Variants in ABCA8 observed in about 807,000 individuals in gnomAD.
ABCA8 encodes the protein ATP binding cassette subfamily A member 8.
Under a neutral mutation model 192.3 loss-of-function variants are expected in ABCA8, and 177 were observed. The observed-to-expected ratio is 0.92, with a 90% CI of 0.81 to 1.04. The LOEUF (loss-of-function observed/expected upper bound fraction) is 1.04. Ranked by LOEUF, ABCA8 falls within the 50% of genes least tolerant of loss-of-function variation. The pLI, the probability that ABCA8 is intolerant of heterozygous loss-of-function variation, is 0.00. For missense variants in ABCA8, 1,915 were observed against 1,904.8 expected (o/e 1.01, Z -0.10); for synonymous variants, 642 against 690.2 (o/e 0.93, Z 1.09).
intron 37 of ABCA8, 151 bp downstream of exon 37, chr17:68,875,108 AC>A (rs1450264973): frequency 3.7e-6 from 4 of 1,079,376 alleles, no homozygotes; most frequent in African/African-American, 3.2e-5. Context: ...ATCAGCTCTT[AC>A]GTCTGCTTTC....
intron 26 of ABCA8, 65 bp from the exon 27 acceptor site, chr17:68,885,380 CT>C: frequency 2.0e-6 from 3 of 1,478,642 alleles, no homozygotes; most frequent in Non-Finnish European, 2.7e-6. Flanking sequence ...ATCGAGATGG[CT>C]CATCTTGAAG....
rs150312203 is a variant in ABCA8 at position 68,895,002 on chromosome 17, C to G, written c.2776G>C (p.Asp926His). 31 of 1,607,512 alleles carry G rather than the reference C, an allele frequency of 1.9e-5. No individual in the cohort carries two copies. In the African/African-American group the frequency reaches 3.5e-4, roughly 18 times the overall value. The change falls in exon 22 of 40, where the codon GAT (aspartate) becomes CAT (histidine). Residue 926 changes from aspartate (D) to histidine (H), a missense_variant. Asp to His is a moderately conservative substitution (Grantham distance 81). Transcript: ENST00000586539. ...TGCTCCACAGACTGTATAAAGTCATCAATGCTTGCCCCTAAGGTGTAGTTA... is the reference window on the plus strand; with the variant it reads ...TGCTCCACAGACTGTATAAAGTCATGAATGCTTGCCCCTAAGGTGTAGTTA... ...LIINKTGASI[D>H]DFIQSVEHQN...
At chr17:68,947,564 T>C (rs1047640849) in intron 2 of ABCA8, among the ~76,000 whole-genome samples, 21 of 152,210 alleles carry the variant, frequency 1.4e-4, no homozygotes, top group South Asian at 8.3e-4. Flanking sequence ...TAAAACCTTA[T>C]GAGCCTGTTG....
chr17:68,897,079 G>A (rs923328313), intron 21 of ABCA8, among the ~76,000 whole-genome samples: 1 of 152,192 alleles, frequency 6.6e-6, no homozygotes, highest in African/African-American at 2.4e-5. Context: ...TTTCAGATGA[G>A]AGGGAATTAC....
intron 37 of ABCA8, 111 bp from the exon 38 acceptor site, chr17:68,869,890 T>C: frequency 1.4e-6 from 1 of 733,294 alleles, no homozygotes. Context: ...GTTAGGAACA[T>C]TTAACATGAG....
intron 1 of ABCA8, among the ~76,000 whole-genome samples, 165 bp from the exon 2 acceptor site, chr17:68,949,637 A>G (rs561405249): frequency 6.6e-6 from 1 of 152,352 alleles, no homozygotes; most frequent in East Asian, 1.9e-4. Context: ...GGCTATTTCA[A>G]TATATGCAAA....
rs1375071332 is a variant in ABCA8 at position 68,933,176 on chromosome 17, TAGC to T, written c.559_561del (p.Ala187del). On this transcript the variant is annotated inframe_deletion, in exon 6 of 40. Coordinates refer to ENST00000586539, the MANE Select transcript of ABCA8 (RefSeq NM_001288985.2). ...GAACATTTTGTACTCACTTCTATAA[TAGC>T]AGCATTAATGGCAGCTTGAAGAGCC... 1.9e-6 allele frequency: 3 copies of T among 1,608,982 alleles called. No homozygotes were observed. Among genetic ancestry groups the T allele is most frequent in the Non-Finnish European group, 2.6e-6 (3 of 1,176,148 alleles).
chr17:68,929,859 G>A (rs2067811047), intron 7 of ABCA8, among the ~76,000 whole-genome samples, 157 bp from the exon 8 acceptor site: 1 of 151,442 alleles, frequency 6.6e-6, no homozygotes, highest in Non-Finnish European at 1.5e-5. Flanking sequence ...TAAATACAAG[G>A]TAAAAGTTTT....
intron 37 of ABCA8, 109 bp from the exon 38 acceptor site, chr17:68,869,888 C>A: frequency 1.3e-6 from 1 of 742,308 alleles, no homozygotes; most frequent in Non-Finnish European, 2.3e-6. Context: ...GTGTTAGGAA[C>A]ATTTAACATG....
rs201803628 is a variant in ABCA8 at position 68,877,246 on chromosome 17, C to T, written c.4199+273G>A. On this transcript the variant is annotated intron_variant, in intron 33 of 39. Transcript: ENST00000586539. ...GTTGCCTAGGCTGGTCTGAAACTCA[C>T]GAGCTCAAGCAGTCCACCTGCCTCA... is the stretch of plus-strand genomic sequence containing the variant. The T allele has an allele frequency of 8.3e-5, 24 of 289,628 alleles. No individual in the cohort carries two copies. In the East Asian group the frequency reaches 1.0e-3, roughly 12 times the overall value. The allele number at this position is 289,628 out of a possible 1,614,324, so 17.9% of individuals were successfully genotyped here.
chr17:68,887,071 G>GAAGGAAA lies in ABCA8; in HGVS notation c.3368_3374dup (p.Ile1126PhefsTer11), dbSNP rs1326215579. On this transcript the variant is annotated frameshift_variant, in exon 26 of 40. Transcript: ENST00000586539. LOFTEE classifies it high-confidence loss of function. ...TATTTTTTCTCCCCTTGCGAAAGAT[G>GAAGGAAA]AAGGAAATCACGTATGTCATGAAGA... is the stretch of plus-strand genomic sequence containing the variant. 1.9e-6 allele frequency: 3 copies of GAAGGAAA among 1,613,008 alleles called. No homozygotes were observed. Among genetic ancestry groups the GAAGGAAA allele is most frequent in the Non-Finnish European group, 2.5e-6 (3 of 1,179,550 alleles).
chr17:68,897,095 T>C (rs528206675), intron 21 of ABCA8, among the ~76,000 whole-genome samples: 4 of 152,346 alleles, frequency 2.6e-5, no homozygotes, highest in Admixed American at 1.3e-4. Flanking sequence ...ATTACTGTAA[T>C]TGGATCAAAC....
chr17:68,905,224 A>G (rs2067033758), intron 19 of ABCA8, among the ~76,000 whole-genome samples: 1 of 152,216 alleles, frequency 6.6e-6, no homozygotes, highest in South Asian at 2.1e-4. Context: ...AGTAACATCC[A>G]TGATAAAATA....
At chr17:68,870,192 T>C (rs980500214) in intron 37 of ABCA8, among the ~76,000 whole-genome samples, 40 of 152,200 alleles carry the variant, frequency 2.6e-4, no homozygotes, top group African/African-American at 9.4e-4. Context: ...ACCTGACCCC[T>C]CACTGTAGAC....
intron 8 of ABCA8, 95 bp from the exon 9 acceptor site, chr17:68,929,329 G>A: frequency 8.9e-7 from 1 of 1,121,248 alleles, no homozygotes; most frequent in Non-Finnish European, 1.2e-6. Context: ...TTTTGTGTAT[G>A]TAACAGTTGT....
At chr17:68,914,429 TAAAC>T (rs1256270287) in intron 17 of ABCA8, among the ~76,000 whole-genome samples, 2 of 152,056 alleles carry the variant, frequency 1.3e-5, no homozygotes, top group Non-Finnish European at 2.9e-5. Flanking sequence ...TTAGAACTGA[TAAAC>T]AAAGTCAGTA....
intron 21 of ABCA8, among the ~76,000 whole-genome samples, chr17:68,896,592 A>G (rs1419550728): frequency 6.6e-6 from 1 of 151,950 alleles, no homozygotes; most frequent in Non-Finnish European, 1.5e-5. Flanking sequence ...TATGCTACCT[A>G]CTCATTAGTT....
chr17:68,881,929 T>G lies in ABCA8; in HGVS notation c.3880A>C (p.Lys1294Gln), dbSNP rs1219823215. ...TTCTTCCTCTTGGAAAAACAGCCTT[T>G]CCTCTTCCCTGCATACTCCTTGCGT... ...CLRKEYAGKR[K>Q]GCFSKRKNKI... The change falls in exon 31 of 40, where the codon AAA (lysine) becomes CAA (glutamine). Residue 1294 changes from lysine to glutamine, a missense_variant. Coordinates refer to ENST00000586539, the MANE Select transcript of ABCA8 (RefSeq NM_001288985.2). The G allele has an allele frequency of 9.3e-6, 15 of 1,614,010 alleles. No homozygotes were observed. The South Asian group carries it at 1.4e-4, about 15-fold the overall frequency.
At chr17:68,880,091 C>G (rs2066296722) in intron 32 of ABCA8, 1 of 152,194 alleles carries the variant, frequency 6.6e-6, no homozygotes, top group Admixed American at 6.5e-5. Flanking sequence ...AGAGTGAGAA[C>G]TTATGATGCT....
Sources: allele counts gnomAD v4.1 joint callset (sites outside exome capture counted in the v4.1 genomes callset), GRCh38; gene constraint gnomAD v4.1.1; transcripts MANE v1.5; gene names NCBI Gene and HGNC (gene_info 2026-07-23, HGNC 2026-07-21).